CENPP: variants seen among roughly 807,000 people sequenced by gnomAD.
CENPP encodes centromere protein P.
Under a neutral mutation model 35.6 loss-of-function variants are expected in CENPP, and 24 were observed. The ratio of observed to expected loss-of-function variants is 0.67; its 90% CI spans 0.49 to 0.95. CENPP has a LOEUF of 0.95. CENPP is among the 40% of genes least tolerant of loss of function. The probability of loss-of-function intolerance (pLI) is 0.00; values close to 1 mark genes in which losing one functional copy is unlikely to be tolerated. For missense variants in CENPP, 332 were observed against 345.3 expected (o/e 0.96, Z 0.31); for synonymous variants, 120 against 125.5 (o/e 0.96, Z 0.29).
intron 5 of CENPP, among the ~76,000 whole-genome samples, chr9:92,569,405 C>A (rs1449281961): frequency 6.6e-6 from 1 of 151,952 alleles, no homozygotes; most frequent in Non-Finnish European, 1.5e-5. Context: ...GTGTGGTATT[C>A]TTTCTGAGGG....
In CENPP at chr9:92,551,979, GTGTGTATATATGTGATATATA is replaced by G. The variant is rs1238775491; in HGVS notation, c.565-59323_565-59303del. Among the ~76,000 whole-genome samples the G allele has an allele frequency of 2.2e-4, 12 of 54,784 alleles. 1 individual carries two copies. In the African/African-American group the frequency reaches 2.5e-3, roughly 11 times the overall value. The allele number at this position is 54,784 out of a possible 152,430, so 35.9% of individuals were successfully genotyped here. ...ATATATATATGTGTGATATATATGT[GTGTGTATATATGTGATATATA>G]TGTGTATATATATGATATGATAGAT... On this transcript the variant is annotated intron_variant, in intron 5 of 7. Transcript: ENST00000375587.
intron 5 of CENPP, chr9:92,509,771 T>C (rs1016731673): frequency 4.4e-5 from 45 of 1,018,878 alleles, no homozygotes; most frequent in Non-Finnish European, 5.4e-5. Context: ...TTTTATCAAC[T>C]CAAATGGTTA....
chr9:92,613,211 A>T lies in CENPP; in HGVS notation c.*62A>T. 1 of 1,601,642 alleles carries T rather than the reference A, an allele frequency of 6.2e-7. No individual in the cohort carries two copies. Among genetic ancestry groups the T allele is most frequent in the Non-Finnish European group, 8.5e-7 (1 of 1,169,612 alleles). ...GTGGAGGAACATGCAATTTTATTCA[A>T]TATAAACATTTGCTATTTTCTGCTT... is the stretch of plus-strand genomic sequence containing the variant. On this transcript the variant is annotated 3_prime_UTR_variant, in exon 8 of 8. Coordinates refer to ENST00000375587, the MANE Select transcript of CENPP (RefSeq NM_001012267.3).
chr9:92,424,303 A>C (rs1187669089), intron 5 of CENPP: 1 of 152,236 alleles, frequency 6.6e-6, no homozygotes, highest in Non-Finnish European at 1.5e-5. Flanking sequence ...AAAAATCCAC[A>C]GTAACTCTGT....
intron 5 of CENPP, among the ~76,000 whole-genome samples, chr9:92,591,412 C>G (rs193082012): frequency 3.1e-4 from 47 of 150,944 alleles, no homozygotes; most frequent in African/African-American, 1.1e-3. Context: ...GAGCAAGACT[C>G]TGTCTCAAAA....
At chr9:92,357,461 CATTATTATTATTATTATT>C (rs36222751) in intron 4 of CENPP, among the ~76,000 whole-genome samples, 56,329 of 143,356 alleles carry the variant, frequency 0.39, 13,062 homozygotes, top group East Asian at 0.69. Flanking sequence ...TCATCTCCCT[CATTATTATTATTATTATT>C]ATTATTATTA....
At chr9:92,575,662 A>C (rs1850263546) in intron 5 of CENPP, among the ~76,000 whole-genome samples, 3 of 152,162 alleles carry the variant, frequency 2.0e-5, no homozygotes, top group African/African-American at 7.2e-5. Context: ...AAGTACAAAA[A>C]TTAGCTGGGC....
chr9:92,417,583 A>G, intron 5 of CENPP: 1 of 1,400,752 alleles, frequency 7.1e-7, no homozygotes, highest in African/African-American at 1.4e-5. Flanking sequence ...TCCTATTGCA[A>G]GGAGAAAAGG....
intron 5 of CENPP, chr9:92,501,052 T>C: frequency 6.2e-7 from 1 of 1,609,840 alleles, no homozygotes; most frequent in Non-Finnish European, 8.5e-7. Flanking sequence ...GATTCTAGAT[T>C]TCTGCAGCAA....
intron 3 of CENPP, among the ~76,000 whole-genome samples, chr9:92,344,809 A>G (rs2130801954): frequency 6.6e-6 from 1 of 151,084 alleles, no homozygotes; most frequent in East Asian, 2.0e-4. Flanking sequence ...TCTGCCTCCC[A>G]AAGTGCTGGA....
chr9:92,560,096 A>T (rs189372210), intron 5 of CENPP, among the ~76,000 whole-genome samples: 184 of 152,280 alleles, frequency 1.2e-3, no homozygotes, highest in African/African-American at 4.1e-3. Context: ...GCGAGCTATG[A>T]TTGTACCATT....
At chr9:92,534,632 A>G (rs1266902506) in intron 5 of CENPP, among the ~76,000 whole-genome samples, 1 of 152,210 alleles carries the variant, frequency 6.6e-6, no homozygotes, top group East Asian at 1.9e-4. Flanking sequence ...AGAAGGACCA[A>G]ATCCATTAGC....
At chr9:92,437,824 A>G (rs1020593498) in intron 5 of CENPP, among the ~76,000 whole-genome samples, 2 of 151,792 alleles carry the variant, frequency 1.3e-5, no homozygotes, top group Non-Finnish European at 1.5e-5. Flanking sequence ...CAGTGGCTCA[A>G]TCACAACTTA....
chr9:92,540,884 A>G (rs1208438111), intron 5 of CENPP, among the ~76,000 whole-genome samples: 1 of 152,248 alleles, frequency 6.6e-6, no homozygotes, highest in Non-Finnish European at 1.5e-5. Context: ...AAAATATTAA[A>G]GAGCAAAAAT....
chr9:92,477,142 G>A (rs1312342218), intron 5 of CENPP, among the ~76,000 whole-genome samples: 1 of 152,158 alleles, frequency 6.6e-6, no homozygotes. Flanking sequence ...GCTGACTACT[G>A]TTCTGTAGCA....
intron 5 of CENPP, among the ~76,000 whole-genome samples, chr9:92,472,947 A>C (rs1845580853): frequency 6.6e-6 from 1 of 152,216 alleles, no homozygotes; most frequent in Non-Finnish European, 1.5e-5. Flanking sequence ...GAAGTTCTGA[A>C]GAGTTTCATC....
chr9:92,347,554 T>G (rs1011903955), intron 4 of CENPP, among the ~76,000 whole-genome samples: 1 of 152,250 alleles, frequency 6.6e-6, no homozygotes, highest in Non-Finnish European at 1.5e-5. Context: ...ATCTCTGCTG[T>G]TATGCAATTT....
chr9:92,572,519 A>G (rs1284267883), intron 5 of CENPP, among the ~76,000 whole-genome samples: 1 of 152,142 alleles, frequency 6.6e-6, no homozygotes, highest in Non-Finnish European at 1.5e-5. Flanking sequence ...GCTGCTCTTA[A>G]CATTTTTTCC....
At chr9:92,442,144 T>C (rs1303257690) in intron 5 of CENPP, among the ~76,000 whole-genome samples, 12 of 151,990 alleles carry the variant, frequency 7.9e-5, no homozygotes, top group Admixed American at 7.9e-4. Context: ...ACACCTGTAA[T>C]CCCAGAACTG....
Sources: gnomAD v4.1 joint callset for allele counts (sites outside exome capture counted in the v4.1 genomes callset) on GRCh38, gnomAD v4.1.1 for gene constraint, MANE v1.5 for transcripts, NCBI Gene and HGNC (gene_info 2026-07-23, HGNC 2026-07-21) for gene names.